The following FRAS1 variants were observed in gnomAD, a reference collection of about 807,000 sequenced individuals.
The protein encoded by FRAS1 is Fraser extracellular matrix complex subunit 1.
In FRAS1, 290 loss-of-function variants were observed where a neutral mutation model predicts 435.2. That is an observed-to-expected ratio of 0.67 (90% confidence interval 0.61 to 0.73). FRAS1 has a LOEUF of 0.73. FRAS1 is among the 30% of genes least tolerant of loss of function. The pLI is 0.00. For synonymous variants in FRAS1, 1,800 were observed against 1,851.0 expected (o/e 0.97, Z 0.71); for missense variants, 4,860 against 5,001.5 (o/e 0.97, Z 0.85).
chr4:78,341,410 C>T (rs1345774989), intron 20 of FRAS1, among the ~76,000 whole-genome samples: 1 of 152,006 alleles, frequency 6.6e-6, no homozygotes, highest in East Asian at 1.9e-4. Flanking sequence ...GAAAGATCTG[C>T]GGAAGATGGC....
intron 2 of FRAS1, among the ~76,000 whole-genome samples, chr4:78,151,554 G>A (rs1255284763): frequency 2.0e-5 from 3 of 152,128 alleles, no homozygotes; most frequent in African/African-American, 7.2e-5. Context: ...CATTTTGGTA[G>A]GGAATTTCAT....
At chr4:78,522,531 G>A in intron 68 of FRAS1, 118 bp from the exon 69 acceptor site, 1 of 896,216 alleles carries the variant, frequency 1.1e-6, no homozygotes. Flanking sequence ...GCTAAGCTTA[G>A]TTGTTTGAGA....
chr4:78,136,479 C>T (rs1485343534), intron 2 of FRAS1, among the ~76,000 whole-genome samples: 1 of 152,112 alleles, frequency 6.6e-6, no homozygotes, highest in African/African-American at 2.4e-5. Context: ...CAACTGTATA[C>T]TTTTTAAACT....
intron 5 of FRAS1, 110 bp from the exon 6 acceptor site, chr4:78,255,132 T>C: frequency 9.9e-7 from 1 of 1,007,534 alleles, no homozygotes; most frequent in Non-Finnish European, 1.5e-6. Flanking sequence ...CAGGACCTCC[T>C]TCTGTGCACT....
At chr4:78,473,676 G>A (rs1719778236) in intron 53 of FRAS1, 79 bp downstream of exon 53, 4 of 1,119,762 alleles carry the variant, frequency 3.6e-6, no homozygotes, top group African/African-American at 1.6e-5. Context: ...ATGCTGGGGG[G>A]CAGCTCTAGT....
chr4:78,302,326 G>A (rs1308214387), intron 14 of FRAS1, among the ~76,000 whole-genome samples: 1 of 151,728 alleles, frequency 6.6e-6, no homozygotes, highest in African/African-American at 2.4e-5. Context: ...ACGTGTGCAT[G>A]TGTCTTTATA....
At chr4:78,264,635 G>C (rs1042538434) in intron 6 of FRAS1, among the ~76,000 whole-genome samples, 4 of 152,244 alleles carry the variant, frequency 2.6e-5, no homozygotes, top group East Asian at 1.9e-4. Flanking sequence ...CAAGTTAGCT[G>C]TGTGACCTTG....
At chr4:78,430,252 AC>A (rs1250831554) in intron 36 of FRAS1, 39 bp from the exon 37 acceptor site, 1 of 1,612,880 alleles carries the variant, frequency 6.2e-7, no homozygotes, top group South Asian at 1.1e-5. Flanking sequence ...TCTTTAACAT[AC>A]GCTTTCTCTC....
At chr4:78,131,502 T>C (rs1199530014) in intron 2 of FRAS1, among the ~76,000 whole-genome samples, 1 of 152,234 alleles carries the variant, frequency 6.6e-6, no homozygotes, top group Non-Finnish European at 1.5e-5. Flanking sequence ...AGAGGAATTA[T>C]GTAGTCCAGT....
intron 61 of FRAS1, 76 bp downstream of exon 61, chr4:78,499,997 A>C: frequency 3.3e-6 from 4 of 1,203,848 alleles, no homozygotes; most frequent in Non-Finnish European, 4.5e-6. Flanking sequence ...AGAAAGGAAT[A>C]AACAGATAAA....
chr4:78,375,899 T>C lies in FRAS1; in HGVS notation c.3292+20T>C. The C allele has an allele frequency of 6.2e-7, 1 of 1,613,302 alleles. No homozygotes were observed. The highest frequency in any genetic ancestry group is 8.5e-7 in the Non-Finnish European group (1 of 1,179,406). ...GTTCTGGTAAGTGCTTCTCCTCAGATGGTCTGGTGAATTTACCAATAATTT... is the reference window on the plus strand; with the variant it reads ...GTTCTGGTAAGTGCTTCTCCTCAGACGGTCTGGTGAATTTACCAATAATTT... On this transcript the variant is annotated intron_variant, in intron 26 of 73. Coordinates refer to ENST00000512123, the MANE Select transcript of FRAS1 (RefSeq NM_025074.7).
intron 29 of FRAS1, among the ~76,000 whole-genome samples, chr4:78,393,135 A>G (rs1054126052): frequency 2.0e-5 from 3 of 151,992 alleles, no homozygotes; most frequent in South Asian, 4.1e-4. Flanking sequence ...CATCACCACT[A>G]TCCAGGTCTT....
intron 18 of FRAS1, among the ~76,000 whole-genome samples, chr4:78,326,549 G>A (rs649887): frequency 0.038 from 5,808 of 152,222 alleles, 370 homozygotes; most frequent in African/African-American, 0.13. Context: ...ATGCAGAGTA[G>A]TATTTTGGAA....
intron 2 of FRAS1, among the ~76,000 whole-genome samples, chr4:78,102,426 C>G (rs1389941860): frequency 4.6e-5 from 7 of 152,160 alleles, no homozygotes; most frequent in Admixed American, 1.3e-4. Context: ...TGAATGAACT[C>G]TAAGTACCCA....
At chr4:78,129,698 G>A (rs17002949) in intron 2 of FRAS1, among the ~76,000 whole-genome samples, 3,537 of 152,218 alleles carry the variant, frequency 0.023, 94 homozygotes, top group South Asian at 0.093. Context: ...GCAATCAAGG[G>A]TATTTTCAAC....
chr4:78,122,870 A>G (rs1276343619), intron 2 of FRAS1, among the ~76,000 whole-genome samples: 3 of 151,936 alleles, frequency 2.0e-5, no homozygotes, highest in Admixed American at 6.6e-5. Context: ...TAGATTTTGG[A>G]TATTAGCCCT....
chr4:78,511,243 C>T (rs750237808), intron 63 of FRAS1, 31 bp from the exon 64 acceptor site: 21 of 1,517,062 alleles, frequency 1.4e-5, no homozygotes, highest in Non-Finnish European at 1.9e-5. Context: ...GTAGGGTACT[C>T]ACATTGGAGG....
At chr4:78,298,484 C>A (rs1408612219) in intron 14 of FRAS1, among the ~76,000 whole-genome samples, 1 of 152,000 alleles carries the variant, frequency 6.6e-6, no homozygotes, top group Non-Finnish European at 1.5e-5. Context: ...AATAAAAATT[C>A]TTTCTGCTGT....
intron 2 of FRAS1, among the ~76,000 whole-genome samples, chr4:78,091,927 G>A (rs983983934): frequency 4.9e-5 from 7 of 142,526 alleles, no homozygotes; most frequent in African/African-American, 8.0e-5. Flanking sequence ...TAGGAGGATC[G>A]GTTGAGTCCA....
Sources: allele counts gnomAD v4.1 joint callset (sites outside exome capture counted in the v4.1 genomes callset), GRCh38; gene constraint gnomAD v4.1.1; transcripts MANE v1.5; gene names NCBI Gene and HGNC (gene_info 2026-07-23, HGNC 2026-07-21).